The following MINDY4 variants were observed in gnomAD, a reference collection of about 807,000 sequenced individuals.
The protein encoded by MINDY4 is MINDY lysine 48 deubiquitinase 4, also known as probable ubiquitin carboxyl-terminal hydrolase MINDY-4.
Under a neutral mutation model 87.0 loss-of-function variants are expected in MINDY4, and 68 were observed. The observed-to-expected ratio is 0.78, with a 90% confidence interval of 0.64 to 0.96. The LOEUF (loss-of-function observed/expected upper bound fraction) is 0.96, where lower values mean the gene tolerates loss of function less well. MINDY4 is among the 40% of genes least tolerant of loss of function. The pLI, the probability that MINDY4 is intolerant of heterozygous loss-of-function variation, is 0.00. For missense variants in MINDY4, 919 were observed against 928.2 expected, an observed-to-expected ratio of 0.99 and a Z score of 0.13; for synonymous variants, 379 against 363.2, an observed-to-expected ratio of 1.04 and a Z score of -0.50.
At chr7:30,856,400 C>T (rs940644831) in intron 12 of MINDY4, among the ~76,000 whole-genome samples, 3 of 152,042 alleles carry the variant, frequency 2.0e-5, no homozygotes, top group Non-Finnish European at 4.4e-5. Flanking sequence ...AAGCAGGGTT[C>T]TTCCCCACCC....
chr7:30,841,035 G>A lies in MINDY4; in HGVS notation c.1445+187G>A, dbSNP rs537073952. Among the ~76,000 whole-genome samples the A allele has an allele frequency of 1.4e-3, 213 of 152,252 alleles. 1 individual carries two copies. The highest frequency in any genetic ancestry group is 4.6e-3 in the African/African-American group (193 of 41,550). The stretch of plus-strand genomic sequence containing the variant: ...ACCAGTGTTAAGGGGACTTGTGCGC[G>A]TTTGTTTCTGAAAGCGGGGAGGGTT... On this transcript the variant is annotated intron_variant, in intron 9 of 17. Coordinates refer to ENST00000265299, the MANE Select transcript of MINDY4 (RefSeq NM_032222.3).
chr7:30,850,574 T>G lies in MINDY4; in HGVS notation c.1547+19T>G. ...TTGCACTGTAAGTGGTTCCGAGGTC[T>G]GTGTTGCCGTGGCTCATCGTCTGCT... On this transcript the variant is annotated intron_variant, in intron 10 of 17. Coordinates refer to ENST00000265299, the MANE Select transcript of MINDY4 (RefSeq NM_032222.3). The G allele has an allele frequency of 1.9e-6, 3 of 1,579,602 alleles. No individual in the cohort carries two copies. Among genetic ancestry groups the G allele is most frequent in the Non-Finnish European group, 2.6e-6 (3 of 1,161,584 alleles).
chr7:30,787,389 T>C (rs554523845), intron 4 of MINDY4, among the ~76,000 whole-genome samples: 1 of 152,180 alleles, frequency 6.6e-6, no homozygotes, highest in South Asian at 2.1e-4. Context: ...ATTAAAAGAT[T>C]TGGAGATGTT....
At chr7:30,798,092 C>A (rs2128170110) in intron 5 of MINDY4, among the ~76,000 whole-genome samples, 1 of 152,276 alleles carries the variant, frequency 6.6e-6, no homozygotes, top group Admixed American at 6.5e-5. Flanking sequence ...GTGCAGCCTA[C>A]TACACACCTA....
At chr7:30,861,098 C>A (rs1789750002) in intron 13 of MINDY4, among the ~76,000 whole-genome samples, 1 of 152,202 alleles carries the variant, frequency 6.6e-6, no homozygotes, top group African/African-American at 2.4e-5. Context: ...TGAGGCCCTT[C>A]CCTGGGTCCT....
chr7:30,835,430 A>G (rs372174751), intron 6 of MINDY4, among the ~76,000 whole-genome samples: 18 of 152,288 alleles, frequency 1.2e-4, no homozygotes, highest in African/African-American at 4.1e-4. Flanking sequence ...GAATTATGGG[A>G]GTTACAAAAT....
chr7:30,859,083 A>G (rs1011284199), intron 12 of MINDY4, 174 bp from the exon 13 acceptor site: 27 of 719,954 alleles, frequency 3.8e-5, no homozygotes, highest in Non-Finnish European at 7.0e-5. Flanking sequence ...AGGTTGTTGC[A>G]ATGTCCCATC....
chr7:30,793,120 GTTTATA>G (rs1189637159), intron 5 of MINDY4, among the ~76,000 whole-genome samples: 4 of 141,546 alleles, frequency 2.8e-5, no homozygotes, highest in Non-Finnish European at 4.6e-5. Flanking sequence ...GGTTTTTTTT[GTTTATA>G]TTTATATATA....
At chr7:30,789,955 A>G (rs1381157053) in intron 4 of MINDY4, among the ~76,000 whole-genome samples, 2 of 152,188 alleles carry the variant, frequency 1.3e-5, no homozygotes, top group Non-Finnish European at 2.9e-5. Context: ...CCTGTTAGGT[A>G]TAGGCTGCTG....
chr7:30,885,201 C>A (rs1386046609), intron 17 of MINDY4, among the ~76,000 whole-genome samples: 1 of 152,204 alleles, frequency 6.6e-6, no homozygotes, highest in Non-Finnish European at 1.5e-5. Flanking sequence ...GAGCAGTGGC[C>A]TTCAAGCTTC....
intron 14 of MINDY4, among the ~76,000 whole-genome samples, chr7:30,873,025 G>A (rs10233521): frequency 6.6e-6 from 1 of 152,208 alleles, no homozygotes; most frequent in Non-Finnish European, 1.5e-5. Flanking sequence ...GGACAGAGCT[G>A]CACATCTTCT....
chr7:30,853,256 T>G, intron 11 of MINDY4, 138 bp from the exon 12 acceptor site: 1 of 703,838 alleles, frequency 1.4e-6, no homozygotes, highest in Non-Finnish European at 2.6e-6. Flanking sequence ...AGCCCTGACT[T>G]GGAGATGCTG....
chr7:30,798,772 A>G (rs1419360968), intron 5 of MINDY4, among the ~76,000 whole-genome samples: 1 of 152,192 alleles, frequency 6.6e-6, no homozygotes, highest in African/African-American at 2.4e-5. Flanking sequence ...TGCTGGGATT[A>G]CAGGCGTGAG....
intron 7 of MINDY4, among the ~76,000 whole-genome samples, chr7:30,837,304 A>C (rs1788886088): frequency 2.0e-5 from 3 of 152,278 alleles, no homozygotes; most frequent in Admixed American, 1.3e-4. Context: ...CTCGGCTACC[A>C]GGGTGGCCTC....
intron 13 of MINDY4, among the ~76,000 whole-genome samples, chr7:30,862,694 A>G (rs1203396764): frequency 6.6e-6 from 1 of 152,220 alleles, no homozygotes; most frequent in Non-Finnish European, 1.5e-5. Flanking sequence ...AGGGAAGCCC[A>G]GTGAGGTGGC....
At chr7:30,856,941 A>G (rs1789591463) in intron 12 of MINDY4, among the ~76,000 whole-genome samples, 1 of 152,168 alleles carries the variant, frequency 6.6e-6, no homozygotes, top group Non-Finnish European at 1.5e-5. Flanking sequence ...GTGCACCATA[A>G]GCCAAGGAAA....
At chr7:30,794,381 T>G (rs1787417262) in intron 5 of MINDY4, among the ~76,000 whole-genome samples, 1 of 152,130 alleles carries the variant, frequency 6.6e-6, no homozygotes, top group South Asian at 2.1e-4. Context: ...GCTGGCCATA[T>G]GCACAGAGCC....
At chr7:30,797,351 A>AT (rs1205897696) in intron 5 of MINDY4, among the ~76,000 whole-genome samples, 1 of 152,254 alleles carries the variant, frequency 6.6e-6, no homozygotes, top group African/African-American at 2.4e-5. Context: ...AAGGGGAAAA[A>AT]TAAATCATGG....
intron 6 of MINDY4, among the ~76,000 whole-genome samples, chr7:30,832,859 CTTTCTTTCCTTAT>C (rs1788746179): frequency 6.6e-6 from 1 of 152,108 alleles, no homozygotes; most frequent in Non-Finnish European, 1.5e-5. Context: ...TCCCTCTTAA[CTTTCTTTCCTTAT>C]TTATCTTTAG....
Sources: allele counts gnomAD v4.1 joint callset (sites outside exome capture counted in the v4.1 genomes callset), GRCh38; gene constraint gnomAD v4.1.1; transcripts MANE v1.5; gene names NCBI Gene and HGNC (gene_info 2026-07-23, HGNC 2026-07-21).